MAX: variants seen among roughly 807,000 people sequenced by gnomAD.
MAX encodes the protein MYC associated transcriptional regulator X.
Under a neutral mutation model 22.3 loss-of-function variants are expected in MAX, and 3 were observed. The ratio of observed to expected loss-of-function variants is 0.13; its 90% CI spans 0.06 to 0.35. The LOEUF (loss-of-function observed/expected upper bound fraction) is 0.35. Among genes scored for constraint, MAX ranks in the 10% least tolerant of loss-of-function variants. The pLI is 1.00. For synonymous variants in MAX, 72 were observed against 77.7 expected (o/e 0.93, Z 0.39); for missense variants, 119 against 209.4 (o/e 0.57, Z 2.66).
Position 65,077,720 on chromosome 14 carries a change from T to C in MAX, c.295+193A>G, listed in dbSNP as rs2139749632. On this transcript the variant is annotated intron_variant, in intron 4 of 4. Coordinates refer to ENST00000358664, the MANE Select transcript of MAX (RefSeq NM_002382.5). This position sits in a 1 kb window ranked among gnomAD's most constrained non-coding sequence, Gnocchi z 6.3. ...ATGTCCAACTTCCTAGCTTCCACTG[T>C]CTCCTCACTGGCGCCTCAGGTCCTT... 4 of 1,589,346 alleles carry C rather than the reference T, an allele frequency of 2.5e-6. 1 individual carries two copies. The highest frequency in any genetic ancestry group is 3.4e-6 in the Non-Finnish European group (4 of 1,169,448).
At chr14:65,056,711 C>T (rs2062744767) in intron 3 of MAX, among the ~76,000 whole-genome samples, 1 of 152,052 alleles carries the variant, frequency 6.6e-6, no homozygotes, top group Non-Finnish European at 1.5e-5. Flanking sequence ...ATTTGTAGTT[C>T]TCTGTATATT....
rs537273371 is a variant in MAX, at chr14:65,019,817, A to T, written c.172-13533T>A. Among the ~76,000 whole-genome samples the T allele has an allele frequency of 1.3e-4, 20 of 152,382 alleles. No homozygotes were observed. In the South Asian group the frequency reaches 4.1e-3, roughly 32 times the overall value. Reference sequence around the variant, plus strand: ...GAACAAAGCCTACTGGCTCTGACCCATAAGGAAATAGATTATTTTTAGTAA... The same window carrying T: ...GAACAAAGCCTACTGGCTCTGACCCTTAAGGAAATAGATTATTTTTAGTAA... On this transcript the variant is annotated intron_variant, in intron 3 of 3. Transcript: ENST00000341653.
rs1055867171 is a variant in MAX, at chr14:65,044,860, G to C, written c.172-38576C>G. The C allele has an allele frequency of 1.3e-5, 2 of 152,762 alleles. No individual in the cohort carries two copies. Among genetic ancestry groups the C allele is most frequent in the Admixed American group, 6.9e-5 (1 of 14,492 alleles). The allele number at this position is 152,762 out of a possible 1,614,324, so 9.5% of individuals were successfully genotyped here. On this transcript the variant is annotated intron_variant, in intron 3 of 3. Coordinates refer to the MAX transcript ENST00000341653. The surrounding 1 kb of genome is among the most constrained non-coding windows in gnomAD (Gnocchi z 5.5). ...CAACAGCAACAGGAAAGGCAACTGC[G>C]TAAAGGGGTAGAGAACCAGAACCCA... is the stretch of plus-strand genomic sequence containing the variant.
At chr14:65,025,466 C>G (rs995687283) in intron 3 of MAX, among the ~76,000 whole-genome samples, 2 of 152,034 alleles carry the variant, frequency 1.3e-5, no homozygotes, top group Non-Finnish European at 2.9e-5. Flanking sequence ...GAATTGATGA[C>G]GATTTGGAAA....
chr14:65,071,177 T>A (rs2139720618), downstream of MAX, among the ~76,000 whole-genome samples: 1 of 152,190 alleles, frequency 6.6e-6, no homozygotes, highest in African/African-American at 2.4e-5. The surrounding 1 kb of genome is among the most constrained non-coding windows in gnomAD (Gnocchi z 4.2). Context: ...AGTCTTGCTG[T>A]GTCACCCAGG....
intron 3 of MAX, among the ~76,000 whole-genome samples, chr14:65,033,709 T>C (rs2062131892): frequency 6.6e-6 from 1 of 152,012 alleles, no homozygotes; most frequent in Non-Finnish European, 1.5e-5. Flanking sequence ...TACAAAAAAT[T>C]AGCTGGGCAT....
intron 3 of MAX, chr14:65,061,295 G>A: frequency 6.2e-7 from 1 of 1,614,010 alleles, no homozygotes; most frequent in Non-Finnish European, 8.5e-7. Context: ...GACATCGGCA[G>A]AGCCTGCAAC....
At chr14:65,060,940 T>C (rs1434283845) in intron 3 of MAX, among the ~76,000 whole-genome samples, 1 of 151,664 alleles carries the variant, frequency 6.6e-6, no homozygotes, top group East Asian at 1.9e-4. Flanking sequence ...ACATAATATG[T>C]TGTAAGTATT....
At chr14:65,098,443 C>T (rs1386286714) in intron 2 of MAX, among the ~76,000 whole-genome samples, 1 of 152,166 alleles carries the variant, frequency 6.6e-6, no homozygotes, top group Non-Finnish European at 1.5e-5. Context: ...TCAAACCCCT[C>T]ACAAGTATAC....
chr14:65,026,432 A>T (rs558610142), intron 3 of MAX, among the ~76,000 whole-genome samples: 2 of 152,212 alleles, frequency 1.3e-5, no homozygotes, highest in African/African-American at 4.8e-5. Context: ...AGAATTCTCC[A>T]AGAACCCGCA....
Position 65,102,401 on chromosome 14 carries a change from G to C in MAX, c.-62C>G. ...CGGGGAGGGGAAGGGGTGAAGGGGAGGGGGAAGTCACCGACAACAACAAGC... is the reference window on the plus strand; with the variant it reads ...CGGGGAGGGGAAGGGGTGAAGGGGACGGGGAAGTCACCGACAACAACAAGC... On this transcript the variant is annotated 5_prime_UTR_variant, in exon 1 of 5. Transcript: ENST00000358664. 1 of 1,588,712 alleles carries C rather than the reference G, an allele frequency of 6.3e-7. No homozygotes were observed. The highest frequency in any genetic ancestry group is 8.6e-7 in the Non-Finnish European group (1 of 1,168,698).
chr14:65,049,848 C>A (rs1189539113), intron 3 of MAX, among the ~76,000 whole-genome samples: 3 of 152,142 alleles, frequency 2.0e-5, no homozygotes, highest in African/African-American at 7.2e-5. Context: ...CAGTTGCGAA[C>A]CATCATGACA....
In MAX at chr14:65,077,704, T is replaced by C; in HGVS notation, c.295+209A>G. The stretch of plus-strand genomic sequence containing the variant: ...AGATACAAGTCTCCAGATGTCCAAC[T>C]TCCTAGCTTCCACTGTCTCCTCACT... On this transcript the variant is annotated intron_variant, in intron 4 of 4. Coordinates refer to ENST00000358664, the MANE Select transcript of MAX (RefSeq NM_002382.5). This position sits in a 1 kb window ranked among gnomAD's most constrained non-coding sequence, Gnocchi z 6.3. 6.4e-7 allele frequency: 1 copy of C among 1,568,742 alleles called. No homozygotes were observed.
Position 65,054,079 on chromosome 14 carries a change from G to A in MAX, c.171+39629C>T, listed in dbSNP as rs1009966282. 3.3e-5 allele frequency among the ~76,000 whole-genome samples: 5 copies of A among 152,130 alleles called. No individual in the cohort carries two copies. Among genetic ancestry groups the A allele is most frequent in the African/African-American group, 1.2e-4 (5 of 41,436 alleles). The stretch of plus-strand genomic sequence containing the variant: ...AAAGAAAAAAAATACAGTTCCCACT[G>A]CTGGGCAGGGCTGGAGGATGGGGCT... On this transcript the variant is annotated intron_variant, in intron 3 of 3. Transcript: ENST00000341653. The surrounding 1 kb of genome is among the most constrained non-coding windows in gnomAD (Gnocchi z 4.4).
chr14:65,040,721 AGGATGGTCCTG>A, intron 3 of MAX: 1 of 1,519,858 alleles, frequency 6.6e-7, no homozygotes, highest in African/African-American at 1.4e-5. Context: ...TCTGCCACCT[AGGATGGTCCTG>A]GTCTTGTGTA....
chr14:65,045,128 C>A (rs1249856512), intron 3 of MAX, among the ~76,000 whole-genome samples: 1 of 150,774 alleles, frequency 6.6e-6, no homozygotes, highest in Non-Finnish European at 1.5e-5. Context: ...TGGGAACATT[C>A]TCTCTCTATC....
rs1039912813 is a variant in MAX at position 65,075,308 on chromosome 14, G to A, written c.*1168C>T. 1.9e-6 allele frequency: 2 copies of A among 1,062,124 alleles called. No individual in the cohort carries two copies. Among genetic ancestry groups the A allele is most frequent in the Admixed American group, 5.4e-5 (1 of 18,620 alleles). The allele number at this position is 1,062,124 out of a possible 1,614,324, so 65.8% of individuals were successfully genotyped here. ...AATGCCAGGAACGGAGTAGGAAAAA[G>A]ACAAAGAAATGAGGCCTAAACACAC... On this transcript the variant is annotated 3_prime_UTR_variant, in exon 5 of 5. Coordinates refer to ENST00000358664, the MANE Select transcript of MAX (RefSeq NM_002382.5). This position sits in a 1 kb window ranked among gnomAD's most constrained non-coding sequence, Gnocchi z 4.1.
chr14:65,092,695 C>T (rs1029278642), intron 3 of MAX, among the ~76,000 whole-genome samples: 2 of 152,090 alleles, frequency 1.3e-5, no homozygotes, highest in African/African-American at 4.8e-5. Flanking sequence ...CATGGAAAGC[C>T]ACACCTTAGA....
intron 2 of MAX, among the ~76,000 whole-genome samples, chr14:65,097,501 C>T (rs933290366): frequency 6.6e-6 from 1 of 152,210 alleles, no homozygotes; most frequent in Non-Finnish European, 1.5e-5. Flanking sequence ...TACCTGACAG[C>T]TAACCCCACC....
Sources: gnomAD v4.1 joint callset for allele counts (sites outside exome capture counted in the v4.1 genomes callset) on GRCh38, gnomAD v4.1.1 for gene constraint, Gnocchi (gnomAD v3.1) non-coding constraint, MANE v1.5 for transcripts, NCBI Gene and HGNC (gene_info 2026-07-23, HGNC 2026-07-21) for gene names.